Variants in GRK5 observed in about 807,000 individuals in gnomAD.
GRK5 encodes the protein G protein-coupled receptor kinase 5.
A neutral mutation model predicts 78.4 loss-of-function variants in GRK5; 40 were observed. That is an observed-to-expected ratio of 0.51 (90% CI 0.40 to 0.66). GRK5 has a LOEUF of 0.66. GRK5 is among the 30% of genes least tolerant of loss of function. The probability of loss-of-function intolerance (pLI) is 0.00; values close to 1 mark genes in which losing one functional copy is unlikely to be tolerated. For missense variants in GRK5, 598 were observed against 759.9 expected, an observed-to-expected ratio of 0.79 and a Z score of 2.50; for synonymous variants, 289 against 296.8, an observed-to-expected ratio of 0.97 and a Z score of 0.27.
intron 1 of GRK5, among the ~76,000 whole-genome samples, chr10:119,312,249 T>G (rs999669253): frequency 2.0e-5 from 3 of 152,180 alleles, no homozygotes; most frequent in Admixed American, 6.5e-5. Flanking sequence ...TAATATTCAG[T>G]GAATTTCATT....
intron 8 of GRK5, among the ~76,000 whole-genome samples, chr10:119,433,062 C>T (rs1564933270): frequency 6.6e-6 from 1 of 152,298 alleles, no homozygotes; most frequent in South Asian, 2.1e-4. Flanking sequence ...CAGAGTGAGA[C>T]TTTGTTAAAA....
intron 2 of GRK5, among the ~76,000 whole-genome samples, chr10:119,347,914 C>T (rs1851125372): frequency 6.6e-6 from 1 of 152,344 alleles, no homozygotes; most frequent in South Asian, 2.1e-4. Context: ...CCGAGGCTGC[C>T]ACCACTTGTC....
intron 2 of GRK5, among the ~76,000 whole-genome samples, chr10:119,345,347 G>A (rs1039199474): frequency 6.6e-6 from 1 of 152,160 alleles, no homozygotes; most frequent in Non-Finnish European, 1.5e-5. Context: ...GTGGTTCCCA[G>A]CCCCGCAATC....
At position 119,458,076 on chromosome 10, in the gene GRK5, A is replaced by G. The variant is rs1853425948; in HGVS notation, c.*3009A>G. ...CATCTACCTGTCCAGGATAAGGCAT[A>G]TTTGGACGGTGAACGGATTTACTCT... On this transcript the variant is annotated 3_prime_UTR_variant, in exon 16 of 16. Coordinates refer to ENST00000392870, the MANE Select transcript of GRK5 (RefSeq NM_005308.3). The G allele has an allele frequency of 6.6e-6, 1 of 152,232 alleles. No individual in the cohort carries two copies. Among genetic ancestry groups the G allele is most frequent in the Non-Finnish European group, 1.5e-5 (1 of 68,044 alleles). The allele number at this position is 152,232 out of a possible 1,614,324, so 9.4% of individuals were successfully genotyped here.
At chr10:119,208,811 G>C (rs780504219) in intron 1 of GRK5, among the ~76,000 whole-genome samples, 2 of 152,040 alleles carry the variant, frequency 1.3e-5, no homozygotes, top group South Asian at 2.1e-4. Context: ...CAGAAAAAAG[G>C]GGGGGGAGGC....
chr10:119,249,443 T>G (rs757837947), intron 1 of GRK5, among the ~76,000 whole-genome samples: 3 of 152,214 alleles, frequency 2.0e-5, no homozygotes, highest in Admixed American at 6.5e-5. Context: ...ACACCAGGTA[T>G]ATCATGTATC....
At chr10:119,325,768 G>A (rs1850664935) in intron 1 of GRK5, among the ~76,000 whole-genome samples, 1 of 152,228 alleles carries the variant, frequency 6.6e-6, no homozygotes, top group Non-Finnish European at 1.5e-5. Flanking sequence ...CTTGGACCAG[G>A]AGTGCAAGGA....
intron 1 of GRK5, among the ~76,000 whole-genome samples, chr10:119,212,169 TAA>T (rs1804043348): frequency 6.6e-6 from 1 of 152,000 alleles, no homozygotes; most frequent in African/African-American, 2.4e-5. Context: ...TTTTTTTTTT[TAA>T]AGTTTCCTTT....
chr10:119,228,344 C>CA (rs1307761997), intron 1 of GRK5, among the ~76,000 whole-genome samples: 32 of 145,876 alleles, frequency 2.2e-4, no homozygotes, highest in South Asian at 6.6e-4. Context: ...TACCCTGTCT[C>CA]AAAAAAAACA....
Position 119,379,364 on chromosome 10 carries a change from C to G in GRK5, c.149-1451C>G, listed in dbSNP as rs1387112257. On this transcript the variant is annotated intron_variant, in intron 2 of 15. Transcript: ENST00000392870. This position sits in a 1 kb window ranked among gnomAD's most constrained non-coding sequence, Gnocchi z 4.1. ...AGGCAGTTTAGCTCCAGAGCCCACACTGACACTCACAGCTACCACGAGATC... is the reference window on the plus strand; with the variant it reads ...AGGCAGTTTAGCTCCAGAGCCCACAGTGACACTCACAGCTACCACGAGATC... 5.3e-5 allele frequency among the ~76,000 whole-genome samples: 8 copies of G among 152,154 alleles called. No individual in the cohort carries two copies.
rs1200802596 is a variant in GRK5 at position 119,379,479 on chromosome 10, T to C, written c.149-1336T>C. Among the ~76,000 whole-genome samples the C allele has an allele frequency of 6.6e-6, 1 of 152,234 alleles. No homozygotes were observed. Among genetic ancestry groups the C allele is most frequent in the Non-Finnish European group, 1.5e-5 (1 of 68,038 alleles). On this transcript the variant is annotated intron_variant, in intron 2 of 15. Transcript: ENST00000392870. The surrounding 1 kb of genome is among the most constrained non-coding windows in gnomAD (Gnocchi z 4.1). ...TGTGCCAGCGCAGTGGTTGTGTTCA[T>C]ATCCCCTTGTTGCCTGGCGTATCTC...
At chr10:119,426,877 G>A (rs1852690742) in intron 6 of GRK5, among the ~76,000 whole-genome samples, 1 of 151,938 alleles carries the variant, frequency 6.6e-6, no homozygotes, top group African/African-American at 2.4e-5. Flanking sequence ...GCCATCAACA[G>A]CATCACTGCC....
In GRK5 at chr10:119,308,679, T is replaced by C. The variant is rs539319121; in HGVS notation, c.53-17837T>C. Reference sequence around the variant, plus strand: ...GTGCCACGCGGTGGGGGAGCTTTCTTACGCCTCGTTCTGAGGATTAGAGAC... The same window carrying C: ...GTGCCACGCGGTGGGGGAGCTTTCTCACGCCTCGTTCTGAGGATTAGAGAC... On this transcript the variant is annotated intron_variant, in intron 1 of 15. Transcript: ENST00000392870. 2.6e-5 allele frequency among the ~76,000 whole-genome samples: 4 copies of C among 152,374 alleles called. No homozygotes were observed. The East Asian group carries it at 7.7e-4, about 29-fold the overall frequency.
chr10:119,416,495 C>T (rs1391976175), intron 4 of GRK5, among the ~76,000 whole-genome samples: 5 of 152,232 alleles, frequency 3.3e-5, no homozygotes, highest in African/African-American at 1.2e-4. Flanking sequence ...GTCCTCCAGG[C>T]GCTGGCCCTG....
At chr10:119,298,804 T>G (rs1850125914) in intron 1 of GRK5, among the ~76,000 whole-genome samples, 2 of 152,204 alleles carry the variant, frequency 1.3e-5, no homozygotes, top group African/African-American at 4.8e-5. Flanking sequence ...ACTGAGCCTT[T>G]GCACATGCTG....
intron 2 of GRK5, among the ~76,000 whole-genome samples, chr10:119,366,392 T>C: frequency 6.6e-6 from 1 of 152,148 alleles, no homozygotes; most frequent in Non-Finnish European, 1.5e-5. Flanking sequence ...TACAGCTTAG[T>C]TGGGGAGGCA....
At chr10:119,387,798 A>G (rs1170694891) in intron 3 of GRK5, among the ~76,000 whole-genome samples, 1 of 152,208 alleles carries the variant, frequency 6.6e-6, no homozygotes, top group East Asian at 1.9e-4. Flanking sequence ...TTTGGCAGAT[A>G]TGGAACCAGA....
intron 1 of GRK5, among the ~76,000 whole-genome samples, chr10:119,261,021 G>A (rs1223012829): frequency 1.4e-5 from 2 of 145,986 alleles, no homozygotes; most frequent in East Asian, 2.1e-4. Context: ...CGGGGCGGCT[G>A]GCCGGGCAGG....
chr10:119,274,387 C>T (rs1849634339), intron 1 of GRK5, among the ~76,000 whole-genome samples: 1 of 152,242 alleles, frequency 6.6e-6, no homozygotes, highest in Non-Finnish European at 1.5e-5. Flanking sequence ...AGGAAAAGCG[C>T]ACTGGCGAGA....
Sources: gnomAD v4.1 joint callset for allele counts (sites outside exome capture counted in the v4.1 genomes callset) on GRCh38, gnomAD v4.1.1 for gene constraint, Gnocchi (gnomAD v3.1) non-coding constraint, MANE v1.5 for transcripts, NCBI Gene and HGNC (gene_info 2026-07-23, HGNC 2026-07-21) for gene names.